Variants in TTC39C observed in about 807,000 individuals in gnomAD.
TTC39C encodes the protein tetratricopeptide repeat protein 39C.
Under a neutral mutation model 76.3 loss-of-function variants are expected in TTC39C, and 33 were observed. The observed-to-expected ratio is 0.43, with a 90% CI of 0.33 to 0.58. TTC39C has a LOEUF of 0.58. Ranked by LOEUF, TTC39C falls within the 20% of genes least tolerant of loss-of-function variation. The pLI is 0.04. For synonymous variants in TTC39C, 254 were observed against 260.6 expected (o/e 0.97, Z 0.24); for missense variants, 595 against 701.4 (o/e 0.85, Z 1.71).
chr18:24,045,856 T>G (rs1344134764), intron 1 of TTC39C, among the ~76,000 whole-genome samples: 2 of 141,018 alleles, frequency 1.4e-5, no homozygotes, highest in African/African-American at 5.3e-5. Context: ...CTCCCACTAC[T>G]TACAGATAAC....
rs2085084983 is a variant in TTC39C, at chr18:24,128,883, A to G, written c.1421-3A>G. ...TGCTCTGTTCACTCCCCTTCTTTTT[A>G]AGCTTGCCATGAAGTGGATGACTCA... On this transcript the variant is annotated splice_region_variant and splice_polypyrimidine_tract_variant and intron_variant, in intron 10 of 13. Coordinates refer to ENST00000317571, the MANE Select transcript of TTC39C (RefSeq NM_001135993.2). The G allele has an allele frequency of 6.2e-7, 1 of 1,611,994 alleles. No homozygotes were observed. The highest frequency in any genetic ancestry group is 1.3e-5 in the African/African-American group (1 of 74,940).
intron 1 of TTC39C, among the ~76,000 whole-genome samples, chr18:24,047,163 C>T (rs1430602538): frequency 1.3e-5 from 2 of 151,644 alleles, no homozygotes; most frequent in Admixed American, 6.6e-5. Context: ...GCGCGATCTC[C>T]GCTTACTGCA....
upstream of TTC39C, chr18:24,014,724 C>T (rs2087467568): frequency 8.9e-7 from 1 of 1,125,318 alleles, no homozygotes; most frequent in Non-Finnish European, 1.1e-6. Context: ...GTCCTTCCCT[C>T]CTCTTCCCTC....
intron 6 of TTC39C, among the ~76,000 whole-genome samples, chr18:24,089,466 T>C (rs1296306512): frequency 6.6e-6 from 1 of 152,216 alleles, no homozygotes; most frequent in Non-Finnish European, 1.5e-5. Flanking sequence ...TTTAGAACTA[T>C]ACAAAATGAG....
chr18:24,033,263 TAAATA>T (rs1323764447), intron 1 of TTC39C, among the ~76,000 whole-genome samples: 2 of 152,150 alleles, frequency 1.3e-5, no homozygotes, highest in Admixed American at 6.5e-5. Context: ...AATAAATAAA[TAAATA>T]AAATAAATAA....
At chr18:24,131,779 G>A in intron 12 of TTC39C, 103 bp from the exon 13 acceptor site, 1 of 889,758 alleles carries the variant, frequency 1.1e-6, no homozygotes, top group East Asian at 2.6e-5. Context: ...TCATTGCTAT[G>A]TCTACAGTGA....
At chr18:24,047,103 T>A (rs1350570099) in intron 1 of TTC39C, among the ~76,000 whole-genome samples, 1 of 151,746 alleles carries the variant, frequency 6.6e-6, no homozygotes. Flanking sequence ...TCTTTTTTTT[T>A]CTTTTTTTGA....
At chr18:24,027,241 G>A (rs1037838461) in intron 1 of TTC39C, among the ~76,000 whole-genome samples, 26 of 151,790 alleles carry the variant, frequency 1.7e-4, no homozygotes, top group Non-Finnish European at 3.4e-4. Flanking sequence ...GCAGTGACCC[G>A]AGATCGCGCC....
At chr18:24,111,619 G>A (rs1238583868) in intron 6 of TTC39C, among the ~76,000 whole-genome samples, 1 of 151,078 alleles carries the variant, frequency 6.6e-6, no homozygotes, top group African/African-American at 2.4e-5. Flanking sequence ...GTGAGACTGG[G>A]CATGGTGGCT....
chr18:24,098,563 CT>C (rs1441641247), intron 6 of TTC39C, among the ~76,000 whole-genome samples: 6 of 114,952 alleles, frequency 5.2e-5, no homozygotes, highest in Non-Finnish European at 7.1e-5. Flanking sequence ...CTCTCCTCTC[CT>C]CTCCCTTTCT....
At chr18:24,006,325 A>G (rs537205654) in intron 1 of TTC39C, 1 of 152,312 alleles carries the variant, frequency 6.6e-6, no homozygotes, top group African/African-American at 2.4e-5. Flanking sequence ...AAACAAATAA[A>G]CAATATTATA....
intron 1 of TTC39C, among the ~76,000 whole-genome samples, chr18:24,005,978 T>G (rs2083348728): frequency 6.6e-6 from 1 of 151,990 alleles, no homozygotes; most frequent in Non-Finnish European, 1.5e-5. Context: ...TGTATGTGTG[T>G]GCCTTCCTTA....
intron 1 of TTC39C, among the ~76,000 whole-genome samples, chr18:24,025,073 T>G (rs2083582702): frequency 6.6e-6 from 1 of 152,194 alleles, no homozygotes; most frequent in Non-Finnish European, 1.5e-5. Flanking sequence ...TCTGCCATGT[T>G]AGCTAGGCTG....
chr18:24,098,966 G>A (rs921592539), intron 6 of TTC39C, among the ~76,000 whole-genome samples: 9 of 149,938 alleles, frequency 6.0e-5, no homozygotes, highest in South Asian at 4.2e-4. Flanking sequence ...GTTTTTTCTA[G>A]TATATCCCAC....
Position 24,132,591 on chromosome 18 carries a change from G to A in TTC39C, c.*17G>A, listed in dbSNP as rs201275114. On this transcript the variant is annotated 3_prime_UTR_variant, in exon 14 of 14. Transcript: ENST00000317571. ...CCTCAGTGACAGACCCGGAACACCC[G>A]CTCCGTCCCTCCCCACCCAGGGTCC... 7.0e-5 allele frequency: 112 copies of A among 1,603,418 alleles called. No homozygotes were observed. The highest frequency in any genetic ancestry group is 5.2e-4 in the Middle Eastern group (3 of 5,796).
At chr18:24,002,356 G>A (rs964011997) in intron 1 of TTC39C, among the ~76,000 whole-genome samples, 1 of 152,124 alleles carries the variant, frequency 6.6e-6, no homozygotes, top group African/African-American at 2.4e-5. Flanking sequence ...AAAGAAGTGG[G>A]GTGGGATCCA....
At chr18:24,011,239 C>T (rs1340792936), upstream of TTC39C, among the ~76,000 whole-genome samples, 1 of 152,154 alleles carries the variant, frequency 6.6e-6, no homozygotes, top group Non-Finnish European at 1.5e-5. Flanking sequence ...CCCTGACTGG[C>T]ATAATCCAAT....
chr18:24,056,841 T>C (rs2084022738), intron 1 of TTC39C, among the ~76,000 whole-genome samples: 2 of 152,040 alleles, frequency 1.3e-5, no homozygotes, highest in Non-Finnish European at 2.9e-5. Flanking sequence ...AACATATGTA[T>C]GTTTGTTCTG....
rs557435832 is a variant in TTC39C, at chr18:24,033,543, A to C, written c.167+18505A>C. ...TCATTTGTTTGCTATGCATTCTGTA[A>C]GAATCCTCTGGGTTCTTACCTTAGT... On this transcript the variant is annotated intron_variant, in intron 1 of 13. Coordinates refer to ENST00000317571, the MANE Select transcript of TTC39C (RefSeq NM_001135993.2). Among the ~76,000 whole-genome samples, 13 of 152,318 alleles carry C rather than the reference A, an allele frequency of 8.5e-5. No individual in the cohort carries two copies. In the East Asian group the frequency reaches 2.5e-3, roughly 29 times the overall value.
Sources: allele counts gnomAD v4.1 joint callset (sites outside exome capture counted in the v4.1 genomes callset), GRCh38; gene constraint gnomAD v4.1.1; transcripts MANE v1.5; gene names NCBI Gene and HGNC (gene_info 2026-07-23, HGNC 2026-07-21).